DNAH11: variants seen among roughly 807,000 people sequenced by gnomAD.
DNAH11 encodes the protein dynein axonemal heavy chain 11.
In DNAH11, 442 loss-of-function variants were observed where a neutral mutation model predicts 526.0. That is an observed-to-expected ratio of 0.84 (90% confidence interval 0.78 to 0.91). The LOEUF (loss-of-function observed/expected upper bound fraction) is 0.91, where lower values mean the gene tolerates loss of function less well. DNAH11 is among the 40% of genes least tolerant of loss of function. The probability of loss-of-function intolerance (pLI) is 0.00; values close to 1 mark genes in which losing one functional copy is unlikely to be tolerated. For synonymous variants in DNAH11, 2,461 were observed against 1,935.9 expected, an observed-to-expected ratio of 1.27 and a Z score of -7.12; for missense variants, 6,989 against 5,448.7, an observed-to-expected ratio of 1.28 and a Z score of -8.90.
chr7:21,854,112 T>C lies in DNAH11; in HGVS notation c.11062-203T>C, dbSNP rs1025695639. The stretch of plus-strand genomic sequence containing the variant: ...AAAACCGCTAGAGTTATGTCCATTC[T>C]CACTGAAACTCAGTTTATTAAAAAA... On this transcript the variant is annotated intron_variant, in intron 67 of 81. Transcript: ENST00000409508. Among the ~76,000 whole-genome samples, 18 of 152,328 alleles carry C rather than the reference T, an allele frequency of 1.2e-4. 2 individuals carry two copies. The highest frequency in any genetic ancestry group is 8.5e-4 in the Admixed American group (13 of 15,302).
chr7:21,614,079 G>A (rs892944396), intron 20 of DNAH11, among the ~76,000 whole-genome samples: 6 of 152,008 alleles, frequency 3.9e-5, no homozygotes, highest in Admixed American at 6.6e-5. Context: ...GCCCAGCCTC[G>A]CAATTCCAAA....
chr7:21,583,084 T>G (rs981652715), intron 9 of DNAH11, among the ~76,000 whole-genome samples: 17 of 152,188 alleles, frequency 1.1e-4, no homozygotes, highest in Admixed American at 5.2e-4. Context: ...TAGAAAAAAC[T>G]ACTTTAAATT....
intron 22 of DNAH11, among the ~76,000 whole-genome samples, chr7:21,616,539 T>C (rs1785792124): frequency 6.6e-6 from 1 of 152,140 alleles, no homozygotes; most frequent in Admixed American, 6.6e-5. Context: ...AATTATGAGC[T>C]TCCTACAGCT....
At chr7:21,594,063 TAC>T (rs59727118) in intron 14 of DNAH11, among the ~76,000 whole-genome samples, 2,836 of 137,526 alleles carry the variant, frequency 0.021, 54 homozygotes, top group African/African-American at 0.048. Flanking sequence ...CATACACACA[TAC>T]ACACACACAC....
chr7:21,825,307 A>G (rs1790233703), intron 65 of DNAH11, among the ~76,000 whole-genome samples: 1 of 151,024 alleles, frequency 6.6e-6, no homozygotes, highest in African/African-American at 2.5e-5. Flanking sequence ...ATATTCATGT[A>G]TACATCTACA....
intron 14 of DNAH11, among the ~76,000 whole-genome samples, chr7:21,593,948 CAT>C (rs532690545): frequency 5.2e-4 from 79 of 151,546 alleles, no homozygotes; most frequent in Non-Finnish European, 8.0e-4. Flanking sequence ...TTCACACACA[CAT>C]ACTCTTTTTC....
intron 55 of DNAH11, among the ~76,000 whole-genome samples, chr7:21,768,026 G>A (rs1024367964): frequency 2.0e-5 from 3 of 152,094 alleles, no homozygotes; most frequent in African/African-American, 7.2e-5. Context: ...CCAGGGGTAC[G>A]GGTTGACTGC....
At chr7:21,810,583 G>C (rs1185771245) in intron 63 of DNAH11, among the ~76,000 whole-genome samples, 2 of 152,122 alleles carry the variant, frequency 1.3e-5, no homozygotes, top group Non-Finnish European at 2.9e-5. Flanking sequence ...AGGGCAACAG[G>C]GGAGTAGATG....
rs34356379 is a variant in DNAH11 at position 21,612,554 on chromosome 7, CAAAA to C, written c.3853-2541_3853-2538del. Among the ~76,000 whole-genome samples the C allele has an allele frequency of 6.6e-3, 537 of 81,216 alleles. 1 individual carries two copies. Among genetic ancestry groups the C allele is most frequent in the Non-Finnish European group, 7.6e-3 (326 of 42,994 alleles). The allele number at this position is 81,216 out of a possible 152,430, so 53.3% of individuals were successfully genotyped here. The stretch of plus-strand genomic sequence containing the variant: ...TGGGCGACAGAGTGAGGCTCCGTCT[CAAAA>C]AAAAAAAAAAAAAAAAAAGAGACTA... On this transcript the variant is annotated intron_variant, in intron 20 of 81. Transcript: ENST00000409508.
At chr7:21,817,779 C>G (rs1156451500) in intron 64 of DNAH11, among the ~76,000 whole-genome samples, 2 of 151,280 alleles carry the variant, frequency 1.3e-5, no homozygotes, top group African/African-American at 4.9e-5. Context: ...AAAGTAAGAC[C>G]AAAATAAAAT....
At chr7:21,556,587 A>G (rs1056187158) in intron 2 of DNAH11, among the ~76,000 whole-genome samples, 21 of 152,168 alleles carry the variant, frequency 1.4e-4, no homozygotes, top group African/African-American at 3.9e-4. Context: ...TAAATTGTGC[A>G]TCATGGGAGT....
intron 77 of DNAH11, among the ~76,000 whole-genome samples, chr7:21,894,281 A>G (rs1267597741): frequency 3.3e-5 from 5 of 152,118 alleles, no homozygotes; most frequent in African/African-American, 7.2e-5. Context: ...CTCTGATCAT[A>G]TCTTTACATA....
At position 21,738,780 on chromosome 7, in the gene DNAH11, C is replaced by T. The variant is rs1203442273; in HGVS notation, c.7725C>T (p.Ile2575=). ...PGGNKKLIYF[I]DDMNMPEVDL... ...GAAATAAAAAATTGATTTATTTTATCGACGACATGAACATGCCTGAAGTGG... is the reference window on the plus strand; with the variant it reads ...GAAATAAAAAATTGATTTATTTTATTGACGACATGAACATGCCTGAAGTGG... The change falls in exon 47 of 82, where the codon ATC becomes ATT. Residue 2575 remains isoleucine (I), a synonymous_variant. Transcript: ENST00000409508. 30 of 1,595,558 alleles carry T rather than the reference C, an allele frequency of 1.9e-5. No individual in the cohort carries two copies. The highest frequency in any genetic ancestry group is 2.7e-5 in the African/African-American group (2 of 74,492).
In DNAH11 at chr7:21,825,290, TTACTGAATATTCATGTA is replaced by T. The variant is rs374645973; in HGVS notation, c.10691+6955_10691+6971del. Among the ~76,000 whole-genome samples the T allele has an allele frequency of 4.0e-3, 614 of 152,334 alleles. 2 individuals are homozygous for T. The highest frequency in any genetic ancestry group is 0.014 in the African/African-American group (589 of 41,578). ...ATTATGAGTGATGCTGCTATGAATA[TTACTGAATATTCATGTA>T]TACATCTACAGGTACACACATTCAT... On this transcript the variant is annotated intron_variant, in intron 65 of 81. Transcript: ENST00000409508.
chr7:21,602,406 A>G (rs1049043088), intron 18 of DNAH11, among the ~76,000 whole-genome samples: 1 of 152,178 alleles, frequency 6.6e-6, no homozygotes, highest in African/African-American at 2.4e-5. Flanking sequence ...TGTGCTTTCT[A>G]AATAGATTTC....
At chr7:21,627,016 G>A (rs560164805) in intron 25 of DNAH11, among the ~76,000 whole-genome samples, 2 of 151,980 alleles carry the variant, frequency 1.3e-5, no homozygotes, top group Non-Finnish European at 2.9e-5. Flanking sequence ...CCTAAAGTGT[G>A]GGATTACAGG....
chr7:21,776,087 T>G (rs568429175), intron 56 of DNAH11, among the ~76,000 whole-genome samples: 3 of 152,282 alleles, frequency 2.0e-5, no homozygotes, highest in South Asian at 2.1e-4. Flanking sequence ...TCACCTCAGT[T>G]ACACATTGAT....
intron 71 of DNAH11, 123 bp downstream of exon 71, chr7:21,866,786 G>T: frequency 9.4e-7 from 1 of 1,062,308 alleles, no homozygotes; most frequent in Non-Finnish European, 1.3e-6. Context: ...ATTCTGCTGA[G>T]ATTTTGATAT....
intron 45 of DNAH11, among the ~76,000 whole-genome samples, chr7:21,727,900 C>A (rs188767819): frequency 1.3e-5 from 2 of 152,172 alleles, no homozygotes; most frequent in Non-Finnish European, 2.9e-5. Flanking sequence ...CCTTTCTCCT[C>A]GGTTTGCTGA....
Sources: gnomAD v4.1 joint callset for allele counts (sites outside exome capture counted in the v4.1 genomes callset) on GRCh38, gnomAD v4.1.1 for gene constraint, MANE v1.5 for transcripts, NCBI Gene and HGNC (gene_info 2026-07-23, HGNC 2026-07-21) for gene names.